The following CLASP1 variants were observed in gnomAD, a reference collection of about 807,000 sequenced individuals.
CLASP1 encodes CLIP-associating protein 1.
CLASP1 carries 38 observed loss-of-function variants against 192.3 expected under a neutral mutation model. The observed-to-expected ratio is 0.20, with a 90% confidence interval of 0.15 to 0.26. The LOEUF (loss-of-function observed/expected upper bound fraction) is 0.26, where lower values mean the gene tolerates loss of function less well. Ranked by LOEUF, CLASP1 falls within the 10% of genes least tolerant of loss-of-function variation. The pLI is 1.00. For missense variants in CLASP1, 1,433 were observed against 1,932.5 expected (o/e 0.74, Z 4.85); for synonymous variants, 691 against 712.8 (o/e 0.97, Z 0.49).
At chr2:121,612,828 T>C (rs1311247150) in intron 1 of CLASP1, among the ~76,000 whole-genome samples, 2 of 152,212 alleles carry the variant, frequency 1.3e-5, no homozygotes, top group East Asian at 1.9e-4. Context: ...AGTGAGATTA[T>C]GAACTACTGT....
exon 18 of CLASP1, chr2:121,448,287 G>T (rs1263672625): frequency 6.2e-7 from 1 of 1,613,518 alleles, no homozygotes. Flanking sequence ...TCTAGATGTG[G>T]TACTTCCAGT....
At chr2:121,479,047 A>C (rs897838715) in intron 8 of CLASP1, among the ~76,000 whole-genome samples, 705 of 42,146 alleles carry the variant, frequency 0.017, 16 homozygotes, top group East Asian at 0.051. Context: ...ACACACACAC[A>C]CCCCCCCCCC....
chr2:121,402,754 G>A, intron 26 of CLASP1: 2 of 451,082 alleles, frequency 4.4e-6, no homozygotes, highest in Admixed American at 2.5e-5. Context: ...TTATGCTTAT[G>A]AGTTAAATCT....
In CLASP1 at chr2:121,353,071, T is replaced by C. The variant is rs934604482; in HGVS notation, c.4207-4353A>G. Among the ~76,000 whole-genome samples, 13 of 152,296 alleles carry C rather than the reference T, an allele frequency of 8.5e-5. 1 individual carries two copies. Among genetic ancestry groups the C allele is most frequent in the Admixed American group, 7.2e-4 (11 of 15,296 alleles). ...TAAGCCATACATGGAGGCTCACACC[T>C]GTAACCCCAGCTACTTGGAAGGCTG... On this transcript the variant is annotated intron_variant, in intron 37 of 39. Transcript: ENST00000263710.
chr2:121,620,186 A>T (rs1576521436), intron 1 of CLASP1, among the ~76,000 whole-genome samples: 1 of 150,112 alleles, frequency 6.7e-6, no homozygotes, highest in Non-Finnish European at 1.5e-5. Context: ...GTGCCGCTGC[A>T]CTCCAGCCTG....
intron 23 of CLASP1, among the ~76,000 whole-genome samples, chr2:121,411,290 C>T (rs1455813317): frequency 1.3e-5 from 2 of 152,208 alleles, no homozygotes; most frequent in African/African-American, 2.4e-5. Context: ...ATTTAGCTTT[C>T]CCTGTAGAGG....
At chr2:121,567,569 G>C (rs1464236177) in intron 2 of CLASP1, among the ~76,000 whole-genome samples, 1 of 152,220 alleles carries the variant, frequency 6.6e-6, no homozygotes, top group African/African-American at 2.4e-5. Context: ...TAACTGGTTG[G>C]CTGTAATGTA....
At chr2:121,450,103 G>A (rs1245205110) in intron 16 of CLASP1, among the ~76,000 whole-genome samples, 3 of 152,112 alleles carry the variant, frequency 2.0e-5, no homozygotes, top group Non-Finnish European at 2.9e-5. Flanking sequence ...AGGCCGAGGC[G>A]GGTGGATCAC....
At chr2:121,510,966 G>C (rs1240256071) in intron 7 of CLASP1, among the ~76,000 whole-genome samples, 2 of 152,190 alleles carry the variant, frequency 1.3e-5, no homozygotes, top group Non-Finnish European at 2.9e-5. Flanking sequence ...GTGTCAGGAT[G>C]ATGGGTTTGC....
At chr2:121,347,920 C>T (rs1410259588) in intron 38 of CLASP1, among the ~76,000 whole-genome samples, 1 of 151,818 alleles carries the variant, frequency 6.6e-6, no homozygotes, top group Non-Finnish European at 1.5e-5. Context: ...CTTGAAACCA[C>T]CTCTTCTATG....
intron 2 of CLASP1, chr2:121,530,963 C>G (rs916717603): frequency 7.1e-6 from 5 of 700,312 alleles, no homozygotes; most frequent in Non-Finnish European, 1.3e-5. Flanking sequence ...AACACACCCG[C>G]ATCAACTAGA....
chr2:121,423,119 T>A (rs1390416604), intron 22 of CLASP1, among the ~76,000 whole-genome samples: 1 of 152,154 alleles, frequency 6.6e-6, no homozygotes, highest in African/African-American at 2.4e-5. Flanking sequence ...AAATACATTT[T>A]ATTCATATAG....
At chr2:121,447,642 C>CATAAA in intron 18 of CLASP1, 135 bp from the exon 19 acceptor site, 1 of 747,308 alleles carries the variant, frequency 1.3e-6, no homozygotes, top group Non-Finnish European at 2.1e-6. Flanking sequence ...AAAAAACTGA[C>CATAAA]AAACAGTTTC....
At chr2:121,535,675 A>C (rs2095045050) in intron 2 of CLASP1, among the ~76,000 whole-genome samples, 1 of 151,270 alleles carries the variant, frequency 6.6e-6, no homozygotes, top group Non-Finnish European at 1.5e-5. Context: ...TGGAGATAGG[A>C]TCATGCTCTG....
exon 36 of CLASP1, chr2:121,365,142 G>C: frequency 6.2e-7 from 1 of 1,613,992 alleles, no homozygotes; most frequent in South Asian, 1.1e-5. Context: ...TGGTCTTGAA[G>C]TGCTCCTCCC....
At chr2:121,643,030 G>A (rs146344586) in intron 1 of CLASP1, among the ~76,000 whole-genome samples, 1 of 152,126 alleles carries the variant, frequency 6.6e-6, no homozygotes, top group Non-Finnish European at 1.5e-5. Flanking sequence ...GATTCTGCCT[G>A]GAGAGTTAAT....
chr2:121,486,420 TCATATTA>T (rs1469560595), intron 8 of CLASP1, among the ~76,000 whole-genome samples: 1 of 152,206 alleles, frequency 6.6e-6, no homozygotes, highest in Non-Finnish European at 1.5e-5. Flanking sequence ...TCTCTGAGTG[TCATATTA>T]CATAAGAGTC....
chr2:121,409,774 G>A (rs746224365), intron 24 of CLASP1, among the ~76,000 whole-genome samples: 19 of 152,144 alleles, frequency 1.2e-4, no homozygotes, highest in Non-Finnish European at 2.2e-4. Flanking sequence ...TTCTGTTCCA[G>A]CTCTTGACTC....
intron 36 of CLASP1, among the ~76,000 whole-genome samples, chr2:121,363,880 C>T (rs573869263): frequency 1.8e-4 from 27 of 152,198 alleles, no homozygotes; most frequent in African/African-American, 6.5e-4. Flanking sequence ...GACTCCTGAT[C>T]TCAATAAAAG....
Sources: allele counts gnomAD v4.1 joint callset (sites outside exome capture counted in the v4.1 genomes callset), GRCh38; gene constraint gnomAD v4.1.1; transcripts MANE v1.5; gene names NCBI Gene and HGNC (gene_info 2026-07-23, HGNC 2026-07-21).